The following ERV3-1 variants were observed in gnomAD, a reference collection of about 807,000 sequenced individuals.
ERV3-1 encodes the protein endogenous retrovirus group 3 member 1, envelope, also known as endogenous retrovirus group 3 member 1 Env polyprotein.
A neutral mutation model predicts 24.6 loss-of-function variants in ERV3-1; 36 were observed. The ratio of observed to expected loss-of-function variants is 1.47; its 90% confidence interval spans 1.12 to 1.94. ERV3-1 has a LOEUF of 1.94. Among genes scored for constraint, ERV3-1 ranks in the 30% most tolerant of loss-of-function variants. The pLI is 0.00. For missense variants in ERV3-1, 578 were observed against 330.9 expected (o/e 1.75, Z -5.79); for synonymous variants, 211 against 122.6 (o/e 1.72, Z -4.76).
At chr7:65,002,548 G>A (rs1207766576) in intron 1 of ERV3-1, among the ~76,000 whole-genome samples, 2 of 152,008 alleles carry the variant, frequency 1.3e-5, no homozygotes, top group Admixed American at 6.6e-5. Flanking sequence ...GGCTGGTCTC[G>A]AACTCCCGAC....
At chr7:65,004,297 G>C (rs1301664508) in intron 1 of ERV3-1, 1 of 152,260 alleles carries the variant, frequency 6.6e-6, no homozygotes, top group Non-Finnish European at 1.5e-5. Flanking sequence ...CAGAGGCAGA[G>C]GTTTCAGTGA....
intron 1 of ERV3-1, among the ~76,000 whole-genome samples, chr7:64,995,218 G>C (rs1786381386): frequency 6.6e-6 from 1 of 152,198 alleles, no homozygotes; most frequent in Non-Finnish European, 1.5e-5. Context: ...TTGCCCCAGG[G>C]TCAGTTTGTC....
chr7:65,004,395 C>T (rs1384214879), intron 1 of ERV3-1: 1 of 152,040 alleles, frequency 6.6e-6, no homozygotes, highest in Non-Finnish European at 1.5e-5. Context: ...AAAACACACA[C>T]CTGAGAAAAT....
intron 1 of ERV3-1, 49 bp from the exon 2 acceptor site, chr7:64,993,463 A>G (rs1318035664): frequency 6.2e-6 from 1 of 162,504 alleles, no homozygotes. Context: ...AGCCCATCCC[A>G]TATGGGTCCC....
intron 1 of ERV3-1, among the ~76,000 whole-genome samples, chr7:64,995,296 G>C (rs984208174): frequency 6.6e-6 from 1 of 152,218 alleles, no homozygotes; most frequent in Non-Finnish European, 1.5e-5. Context: ...TAGCACCACA[G>C]AGTCAACTGT....
chr7:65,002,327 TTTTG>T (rs761775072), intron 1 of ERV3-1, among the ~76,000 whole-genome samples: 20 of 152,262 alleles, frequency 1.3e-4, no homozygotes, highest in Admixed American at 2.6e-4. Flanking sequence ...TAAAATGCTT[TTTTG>T]TTTGTTTTTT....
chr7:64,992,440 G>A lies in ERV3-1; in HGVS notation c.587C>T (p.Thr196Ile). The A allele has an allele frequency of 1.3e-6, 1 of 766,396 alleles. No homozygotes were observed. The highest frequency in any genetic ancestry group is 2.4e-6 in the Non-Finnish European group (1 of 417,918). 47.5% of individuals were successfully genotyped at this position (766,396 alleles called of 1,614,324 possible). ...GATGGTAAGATTTACAGAATTGCAA[G>A]TGCTTGTTTTACAATCTGGTTCTAA... is the stretch of plus-strand genomic sequence containing the variant. ...IPLEPDCKTS[T>I]CNSVNLTILE... Residue 196 changes from threonine (T) to isoleucine (I), a missense_variant, in exon 2 of 2, where the codon ACT (threonine) becomes ATT (isoleucine). Coordinates refer to ENST00000394323, the MANE Select transcript of ERV3-1 (RefSeq NM_001007253.4).
chr7:64,991,660 G>T lies in ERV3-1; in HGVS notation c.1367C>A (p.Ala456Asp), dbSNP rs1202650467. 1.5e-5 allele frequency: 11 copies of T among 712,476 alleles called. No homozygotes were observed. The highest frequency in any genetic ancestry group is 5.8e-5 in the South Asian group (4 of 68,506). The allele number at this position is 712,476 out of a possible 1,614,324, so 44.1% of individuals were successfully genotyped here. ...FFLMPLKQGEALGYPIYDETK... is the reference protein window; with the variant it reads ...FFLMPLKQGEDLGYPIYDETK... ...TTCATCATAGATGGGGTATCCTAAG[G>T]CTTCTCCCTGTTTTAGGGGCATTAG... Residue 456 changes from alanine (A) to aspartate (D), a missense_variant, in exon 2 of 2, where the codon GCC becomes GAC. Ala to Asp is a moderately radical substitution (Grantham distance 126, BLOSUM62 -2). Coordinates refer to ENST00000394323, the MANE Select transcript of ERV3-1 (RefSeq NM_001007253.4).
intron 1 of ERV3-1, chr7:65,004,435 T>C (rs1238367578): frequency 6.6e-6 from 1 of 152,146 alleles, no homozygotes; most frequent in East Asian, 1.9e-4. Flanking sequence ...AAGAAAAAGG[T>C]AAATGAGTTT....
chr7:64,996,171 G>A (rs2140724), intron 1 of ERV3-1, among the ~76,000 whole-genome samples: 62,878 of 152,008 alleles, frequency 0.41, 13,970 homozygotes, highest in Admixed American at 0.51. Context: ...GCCCTGCACC[G>A]GTATATACTC....
At chr7:64,997,901 G>GC (rs1009199166) in intron 1 of ERV3-1, among the ~76,000 whole-genome samples, 5 of 152,066 alleles carry the variant, frequency 3.3e-5, no homozygotes, top group South Asian at 2.1e-4. Context: ...AAAGTCGGTT[G>GC]CCCCCCCTTG....
At position 65,006,652 on chromosome 7, in the gene ERV3-1, A is replaced by G; in HGVS notation, c.-500T>C. The G allele has an allele frequency of 1.3e-6, 2 of 1,522,890 alleles. No homozygotes were observed. The highest frequency in any genetic ancestry group is 9.1e-7 in the Non-Finnish European group (1 of 1,099,798). The allele number at this position is 1,522,890 out of a possible 1,614,324, so 94.3% of individuals were successfully genotyped here. Reference sequence around the variant, plus strand: ...TAGGAGCAGAAGACACAGAGCAGTGAAGACTACACCAGAAGCTCCGGCTGC... The same window carrying G: ...TAGGAGCAGAAGACACAGAGCAGTGGAGACTACACCAGAAGCTCCGGCTGC... On this transcript the variant is annotated 5_prime_UTR_variant, in exon 1 of 2. Coordinates refer to ENST00000394323, the MANE Select transcript of ERV3-1 (RefSeq NM_001007253.4).
At chr7:64,995,262 T>C (rs1354524390) in intron 1 of ERV3-1, among the ~76,000 whole-genome samples, 1 of 152,224 alleles carries the variant, frequency 6.6e-6, no homozygotes, top group Non-Finnish European at 1.5e-5. Flanking sequence ...TAGTGGCTAG[T>C]GCTTTACAGC....
At chr7:65,000,254 A>T (rs888785841) in intron 1 of ERV3-1, among the ~76,000 whole-genome samples, 3 of 151,904 alleles carry the variant, frequency 2.0e-5, no homozygotes, top group Non-Finnish European at 4.4e-5. Context: ...ATGGAGTCTC[A>T]CGCTGTTGCC....
intron 1 of ERV3-1, among the ~76,000 whole-genome samples, chr7:65,002,024 T>C (rs1444270303): frequency 1.3e-5 from 2 of 152,272 alleles, no homozygotes; most frequent in Non-Finnish European, 2.9e-5. Flanking sequence ...TGTAGTTATG[T>C]TTACCCATTT....
intron 1 of ERV3-1, chr7:65,004,766 A>G (rs966155859): frequency 6.6e-6 from 1 of 152,024 alleles, no homozygotes; most frequent in African/African-American, 2.4e-5. Context: ...TTAAGTGCTC[A>G]GTGACCACCC....
Position 64,998,695 on chromosome 7 carries a change from T to C in ERV3-1, c.-388-5281A>G, listed in dbSNP as rs932599503. On this transcript the variant is annotated intron_variant, in intron 1 of 1. Coordinates refer to ENST00000394323, the MANE Select transcript of ERV3-1 (RefSeq NM_001007253.4). ...GGAGTATTTCAGACACTTCTTAGATTTAATGGAGGGTTCATATGAGTCCTG... is the reference window on the plus strand; with the variant it reads ...GGAGTATTTCAGACACTTCTTAGATCTAATGGAGGGTTCATATGAGTCCTG... Among the ~76,000 whole-genome samples the C allele has an allele frequency of 2.8e-4, 42 of 152,260 alleles. 1 individual carries two copies. Among genetic ancestry groups the C allele is most frequent in the Non-Finnish European group, 5.1e-4 (35 of 68,012 alleles).
At chr7:64,999,538 C>G (rs537157280) in intron 1 of ERV3-1, among the ~76,000 whole-genome samples, 7 of 152,316 alleles carry the variant, frequency 4.6e-5, no homozygotes, top group African/African-American at 1.7e-4. Context: ...AGCAGTCTTA[C>G]AGAAGCAGAA....
At chr7:65,003,153 G>C (rs1430843694) in intron 1 of ERV3-1, among the ~76,000 whole-genome samples, 3 of 152,128 alleles carry the variant, frequency 2.0e-5, no homozygotes, top group Non-Finnish European at 2.9e-5. Context: ...TGGGACATCT[G>C]CAGGGAAGGT....
Sources: allele counts gnomAD v4.1 joint callset (sites outside exome capture counted in the v4.1 genomes callset), GRCh38; gene constraint gnomAD v4.1.1; transcripts MANE v1.5; gene names NCBI Gene and HGNC (gene_info 2026-07-23, HGNC 2026-07-21).